Variants in FBXL4 observed in about 807,000 individuals in gnomAD.
The protein encoded by FBXL4 is F-box and leucine rich repeat protein 4, also known as F-box/LRR-repeat protein 4.
In FBXL4, 40 loss-of-function variants were observed where a neutral mutation model predicts 58.9. That is an observed-to-expected ratio of 0.68 (90% confidence interval 0.53 to 0.88). FBXL4 has a LOEUF of 0.88. FBXL4 is among the 40% of genes least tolerant of loss of function. FBXL4 has a pLI of 0.00. For missense variants in FBXL4, 676 were observed against 734.4 expected (o/e 0.92, Z 0.92); for synonymous variants, 263 against 265.5 (o/e 0.99, Z 0.09).
At chr6:98,881,540 G>C (rs1347221625) in intron 7 of FBXL4, among the ~76,000 whole-genome samples, 1 of 151,998 alleles carries the variant, frequency 6.6e-6, no homozygotes, top group African/African-American at 2.4e-5. Context: ...AAAACTATCA[G>C]TTGAGGGAAA....
At chr6:98,908,487 G>A (rs191960018) in intron 5 of FBXL4, among the ~76,000 whole-genome samples, 1 of 152,076 alleles carries the variant, frequency 6.6e-6, no homozygotes, top group African/African-American at 2.4e-5. Context: ...TATGTATTAT[G>A]CATGTATGTT....
rs1002904761 is a variant in FBXL4 at position 98,873,923 on chromosome 6, CTT to C, written c.*353_*354del. ...CTTACATGAAGGTGTAAAAAATTAA[CTT>C]TTTTTTTTGCATAAATGCCACGATA... On this transcript the variant is annotated 3_prime_UTR_variant, in exon 10 of 10. Transcript: ENST00000369244. The C allele has an allele frequency of 2.5e-5, 4 of 157,730 alleles. No homozygotes were observed. Among genetic ancestry groups the C allele is most frequent in the Non-Finnish European group, 2.7e-5 (2 of 73,142 alleles). 9.8% of individuals were successfully genotyped at this position (157,730 alleles called of 1,614,324 possible). A position where few individuals can be genotyped will look rare whatever the true frequency, so the allele number is the denominator to read the frequency against.
Position 98,917,689 on chromosome 6 carries a change from C to T in FBXL4, c.543G>A (p.Thr181=), listed in dbSNP as rs771755480. The part of the protein sequence containing the change: ...RWEILWSERP[T]KVNASQARQF... Reference sequence around the variant, plus strand: ...GGCGAGCTTGGGAAGCATTCACCTTCGTAGGTCTCTCTGACCAAAGAATCT... The same window carrying T: ...GGCGAGCTTGGGAAGCATTCACCTTTGTAGGTCTCTCTGACCAAAGAATCT... The change falls in exon 5 of 10, where the codon ACG becomes ACA. Residue 181 remains threonine (T), a synonymous_variant. Coordinates refer to ENST00000369244, the MANE Select transcript of FBXL4 (RefSeq NM_001278716.2). 2.6e-5 allele frequency: 42 copies of T among 1,609,630 alleles called. No individual in the cohort carries two copies. The highest frequency in any genetic ancestry group is 3.2e-5 in the Non-Finnish European group (38 of 1,177,936).
chr6:98,910,268 T>C (rs9385566), intron 5 of FBXL4, among the ~76,000 whole-genome samples: 104,647 of 152,080 alleles, frequency 0.69, 36,880 homozygotes, highest in African/African-American at 0.85. Context: ...TAGCATTTGA[T>C]ATCTGGGAGC....
chr6:98,909,945 G>A (rs766253225), intron 5 of FBXL4, among the ~76,000 whole-genome samples: 1 of 152,192 alleles, frequency 6.6e-6, no homozygotes, highest in Non-Finnish European at 1.5e-5. Flanking sequence ...CATTTTAACT[G>A]TAATATGTTG....
rs1334067343 is a variant in FBXL4 at position 98,875,426 on chromosome 6, A to T, written c.1691T>A (p.Leu564Gln). 5.0e-6 allele frequency: 8 copies of T among 1,613,952 alleles called. No homozygotes were observed. The highest frequency in any genetic ancestry group is 6.8e-6 in the Non-Finnish European group (8 of 1,179,830). Residue 564 changes from leucine to glutamine, a missense_variant, in exon 9 of 10, where the codon CTG becomes CAG. Coordinates refer to ENST00000369244, the MANE Select transcript of FBXL4 (RefSeq NM_001278716.2). ...TATTGTAACCTTACCTAATATGTCCAGCTGCTGTAACCTGGTACAATTACA... is the reference window on the plus strand; with the variant it reads ...TATTGTAACCTTACCTAATATGTCCTGCTGCTGTAACCTGGTACAATTACA... ...LACNCTRLQQ[L>Q]DILGTRMVSP...
intron 4 of FBXL4, among the ~76,000 whole-genome samples, chr6:98,922,951 T>G (rs1047032867): frequency 6.6e-6 from 1 of 152,188 alleles, no homozygotes; most frequent in African/African-American, 2.4e-5. Context: ...CTGAACTCCA[T>G]TCACATGCAC....
chr6:98,903,563 G>A (rs1445989958), intron 6 of FBXL4, among the ~76,000 whole-genome samples: 1 of 152,144 alleles, frequency 6.6e-6, no homozygotes, highest in Non-Finnish European at 1.5e-5. Flanking sequence ...TTGTGGGTTA[G>A]AAAGTAGATA....
chr6:98,931,006 AGAAG>A (rs1772991965), intron 2 of FBXL4, among the ~76,000 whole-genome samples: 1 of 152,228 alleles, frequency 6.6e-6, no homozygotes, highest in Non-Finnish European at 1.5e-5. Flanking sequence ...CAGCTAATTT[AGAAG>A]ACTATGGATG....
intron 1 of FBXL4, among the ~76,000 whole-genome samples, chr6:98,940,303 C>T (rs1773387193): frequency 6.6e-6 from 1 of 152,136 alleles, no homozygotes; most frequent in Non-Finnish European, 1.5e-5. Context: ...TCTTCACAGT[C>T]CAAACCCATG....
At chr6:98,933,861 T>G (rs984343808) in intron 2 of FBXL4, among the ~76,000 whole-genome samples, 6 of 152,080 alleles carry the variant, frequency 3.9e-5, no homozygotes, top group African/African-American at 1.4e-4. Flanking sequence ...CTAAGGCACA[T>G]GTAAACCAAA....
chr6:98,937,716 A>C (rs1185491013), intron 1 of FBXL4, among the ~76,000 whole-genome samples: 5 of 152,100 alleles, frequency 3.3e-5, no homozygotes, highest in African/African-American at 1.2e-4. Flanking sequence ...TTGCTATTTC[A>C]TTTCTCCAAA....
At chr6:98,936,517 C>T (rs1208091017) in intron 1 of FBXL4, among the ~76,000 whole-genome samples, 1 of 152,180 alleles carries the variant, frequency 6.6e-6, no homozygotes, top group Non-Finnish European at 1.5e-5. Context: ...CCATCCTCTT[C>T]CTCCCTCTTA....
intron 4 of FBXL4, among the ~76,000 whole-genome samples, chr6:98,923,502 A>G (rs1471783145): frequency 6.6e-6 from 1 of 152,176 alleles, no homozygotes; most frequent in Non-Finnish European, 1.5e-5. Context: ...ATCTTAGCTC[A>G]TGATCTCACG....
intron 8 of FBXL4, among the ~76,000 whole-genome samples, chr6:98,880,118 A>C (rs1473295132): frequency 6.6e-6 from 1 of 152,168 alleles, no homozygotes; most frequent in Non-Finnish European, 1.5e-5. Flanking sequence ...CAAACACAAA[A>C]ACAAACAGAT....
intron 7 of FBXL4, chr6:98,898,205 G>A (rs1771473637): frequency 6.5e-6 from 5 of 770,652 alleles, no homozygotes; most frequent in Non-Finnish European, 3.2e-6. Flanking sequence ...AAACATTCCA[G>A]ACAGGCAAAA....
At position 98,926,483 on chromosome 6, in the gene FBXL4, T is replaced by G. The variant is rs775872113; in HGVS notation, c.506A>C (p.Glu169Ala). 1.2e-6 allele frequency: 2 copies of G among 1,603,766 alleles called. No homozygotes were observed. The highest frequency in any genetic ancestry group is 1.7e-6 in the Non-Finnish European group (2 of 1,173,270). The change falls in exon 4 of 10, where the codon GAA becomes GCA. Residue 169 changes from glutamate to alanine, a missense_variant. Transcript: ENST00000369244. ...ATTAAAAAATTAGTCTTACCTTACT[T>G]CAGCTGGTGGATTTGGGGAATAAGG... ...ANPYSPNPPA[E>A]VRWEILWSER...
intron 1 of FBXL4, among the ~76,000 whole-genome samples, chr6:98,947,055 C>G (rs567147509): frequency 6.6e-6 from 1 of 152,330 alleles, no homozygotes; most frequent in South Asian, 2.1e-4. Context: ...GTAATGTGCC[C>G]TCCGGAGCAC....
Position 98,919,914 on chromosome 6 carries a change from T to C in FBXL4, c.513-2195A>G, listed in dbSNP as rs139886044. On this transcript the variant is annotated intron_variant, in intron 4 of 9. Transcript: ENST00000369244. ...AACATCTCCAAGAAACAAGGACCCC[T>C]CAAGACCCTGTGAAATAACCACCTA... Among the ~76,000 whole-genome samples, 539 of 152,272 alleles carry C rather than the reference T, an allele frequency of 3.5e-3. 3 individuals are homozygous for C. Among genetic ancestry groups the C allele is most frequent in the African/African-American group, 0.012 (488 of 41,576 alleles).
Sources: gnomAD v4.1 joint callset for allele counts (sites outside exome capture counted in the v4.1 genomes callset) on GRCh38, gnomAD v4.1.1 for gene constraint, MANE v1.5 for transcripts, NCBI Gene and HGNC (gene_info 2026-07-23, HGNC 2026-07-21) for gene names.